ANXA2: variants seen among roughly 807,000 people sequenced by gnomAD.
ANXA2 encodes annexin A2.
In ANXA2, 28 loss-of-function variants were observed where a neutral mutation model predicts 47.3. The observed-to-expected ratio is 0.59, with a 90% CI of 0.44 to 0.81. The LOEUF (loss-of-function observed/expected upper bound fraction) is 0.81, where lower values mean the gene tolerates loss of function less well. Ranked by LOEUF, ANXA2 falls within the 40% of genes least tolerant of loss-of-function variation. The probability of loss-of-function intolerance (pLI) is 0.00; values close to 1 mark genes in which losing one functional copy is unlikely to be tolerated. For missense variants in ANXA2, 384 were observed against 414.3 expected (o/e 0.93, Z 0.64); for synonymous variants, 172 against 155.5 (o/e 1.11, Z -0.79).
chr15:60,377,259 AAGG>A (rs1281997876), intron 3 of ANXA2, among the ~76,000 whole-genome samples: 4 of 152,214 alleles, frequency 2.6e-5, no homozygotes, highest in Admixed American at 6.5e-5. Flanking sequence ...TAATAATATC[AAGG>A]AGAAGGAGGA....
chr15:60,355,793 T>C (rs1486665552), intron 7 of ANXA2, 126 bp downstream of exon 7: 1 of 850,308 alleles, frequency 1.2e-6, no homozygotes, highest in Non-Finnish European at 2.0e-6. Context: ...AAACCCACTT[T>C]CAAAAATGCA....
intron 3 of ANXA2, chr15:60,374,704 T>C (rs1483743193): frequency 2.2e-6 from 1 of 456,054 alleles, no homozygotes; most frequent in Non-Finnish European, 4.4e-6. Context: ...CATAGACAAA[T>C]ATCACTACAA....
chr15:60,382,296 T>C (rs2062872267), intron 3 of ANXA2, 46 bp downstream of exon 3: 1 of 1,463,458 alleles, frequency 6.8e-7, no homozygotes, highest in South Asian at 1.1e-5. Flanking sequence ...CAACCAAAAA[T>C]GTCTCAGTAA....
intron 5 of ANXA2, among the ~76,000 whole-genome samples, chr15:60,357,972 C>T (rs1300981882): frequency 6.6e-6 from 1 of 152,146 alleles, no homozygotes; most frequent in African/African-American, 2.4e-5. Flanking sequence ...TTAAACAATT[C>T]TCGCTAAAAT....
intron 3 of ANXA2, among the ~76,000 whole-genome samples, chr15:60,380,827 A>AT (rs1182210727): frequency 2.3e-3 from 292 of 128,732 alleles, no homozygotes; most frequent in African/African-American, 4.3e-3. Context: ...AAAAAAAAAG[A>AT]TTTTTTTTTT....
At chr15:60,373,672 G>C (rs1214980329) in intron 3 of ANXA2, among the ~76,000 whole-genome samples, 2 of 152,188 alleles carry the variant, frequency 1.3e-5, no homozygotes, top group African/African-American at 4.8e-5. Context: ...ACTCAGACCT[G>C]TGAGATCCTG....
chr15:60,373,965 TG>T (rs2062743946), intron 3 of ANXA2, among the ~76,000 whole-genome samples: 1 of 152,074 alleles, frequency 6.6e-6, no homozygotes, highest in African/African-American at 2.4e-5. Context: ...TGCCAAGAGA[TG>T]GGAGAGAAAG....
intron 3 of ANXA2, among the ~76,000 whole-genome samples, chr15:60,374,200 C>T (rs2062747455): frequency 6.6e-6 from 1 of 152,230 alleles, no homozygotes; most frequent in African/African-American, 2.4e-5. Flanking sequence ...TTGGTAATCT[C>T]ACCGGCTGCT....
chr15:60,373,950 G>A (rs567825997), intron 3 of ANXA2, among the ~76,000 whole-genome samples: 1 of 152,292 alleles, frequency 6.6e-6, no homozygotes, highest in East Asian at 1.9e-4. Flanking sequence ...ACAAACTCTG[G>A]CAGCTGCCAA....
At chr15:60,371,383 T>G (rs962345091) in intron 3 of ANXA2, among the ~76,000 whole-genome samples, 4 of 152,116 alleles carry the variant, frequency 2.6e-5, no homozygotes, top group Non-Finnish European at 5.9e-5. Context: ...ACAGAGAATA[T>G]TTGCAGTTTA....
chr15:60,375,761 A>G (rs989567931), intron 3 of ANXA2, among the ~76,000 whole-genome samples: 1 of 152,242 alleles, frequency 6.6e-6, no homozygotes, highest in Non-Finnish European at 1.5e-5. Flanking sequence ...CTAGAAACAA[A>G]GCAGACTTAT....
At chr15:60,392,151 C>T (rs2063020963) in intron 1 of ANXA2, among the ~76,000 whole-genome samples, 1 of 152,152 alleles carries the variant, frequency 6.6e-6, no homozygotes, top group Non-Finnish European at 1.5e-5. Flanking sequence ...CACTTGGCCC[C>T]ACCCTAATGA....
At chr15:60,363,310 G>A (rs2062545806) in intron 4 of ANXA2, among the ~76,000 whole-genome samples, 1 of 152,138 alleles carries the variant, frequency 6.6e-6, no homozygotes, top group South Asian at 2.1e-4. Flanking sequence ...GATGAAAGAA[G>A]CCAGATGCTT....
intron 3 of ANXA2, among the ~76,000 whole-genome samples, chr15:60,372,465 C>G (rs1355227070): frequency 6.6e-6 from 1 of 152,070 alleles, no homozygotes. Context: ...AGGAAGACAG[C>G]ATATCCTCCA....
At chr15:60,347,719 T>A (rs79388360) in intron 12 of ANXA2, 30 bp from the exon 13 acceptor site, 1 of 1,608,280 alleles carries the variant, frequency 6.2e-7, no homozygotes, top group Non-Finnish European at 8.5e-7. Context: ...AAAAGAAACG[T>A]GGTATCAGAA....
chr15:60,347,586 A>G lies in ANXA2; in HGVS notation c.*44T>C, dbSNP rs1299298983. 4 of 1,600,668 alleles carry G rather than the reference A, an allele frequency of 2.5e-6. No individual in the cohort carries two copies. In the East Asian group the frequency reaches 6.7e-5, roughly 27 times the overall value. On this transcript the variant is annotated 3_prime_UTR_variant, in exon 13 of 13. Transcript: ENST00000451270. ...TGGTTTTCTAGACCTGTTAGCTGGA[A>G]GCATGGTGAGCACCATTTCTGGACG...
intron 12 of ANXA2, among the ~76,000 whole-genome samples, chr15:60,348,499 C>T (rs1895831933): frequency 6.6e-6 from 1 of 152,192 alleles, no homozygotes; most frequent in Non-Finnish European, 1.5e-5. Flanking sequence ...CATCCCAGCA[C>T]TTTGGGAGGC....
At chr15:60,356,035 C>T (rs764079651) in intron 6 of ANXA2, 37 bp from the exon 7 acceptor site, 2 of 1,532,110 alleles carry the variant, frequency 1.3e-6, no homozygotes, top group South Asian at 2.2e-5. Context: ...TGCTTTCTGC[C>T]TGTGTAGCCA....
At chr15:60,376,306 C>T (rs1044814768) in intron 3 of ANXA2, among the ~76,000 whole-genome samples, 2 of 151,764 alleles carry the variant, frequency 1.3e-5, no homozygotes, top group Non-Finnish European at 2.9e-5. Context: ...CGCTTGAACC[C>T]GGGAGGCGAG....
Sources: allele counts gnomAD v4.1 joint callset (sites outside exome capture counted in the v4.1 genomes callset), GRCh38; gene constraint gnomAD v4.1.1; transcripts MANE v1.5; gene names NCBI Gene and HGNC (gene_info 2026-07-23, HGNC 2026-07-21).